MIS18BP1: variants seen among roughly 807,000 people sequenced by gnomAD.
MIS18BP1 encodes MIS18 binding protein 1, also known as mis18-binding protein 1.
MIS18BP1 carries 72 observed loss-of-function variants against 116.1 expected under a neutral mutation model. The ratio of observed to expected loss-of-function variants is 0.62; its 90% CI spans 0.51 to 0.75. The LOEUF is 0.75. MIS18BP1 is among the 30% of genes least tolerant of loss of function. The pLI, the probability that MIS18BP1 is intolerant of heterozygous loss-of-function variation, is 0.00. For missense variants in MIS18BP1, 1,363 were observed against 1,303.2 expected, an observed-to-expected ratio of 1.05 and a Z score of -0.71; for synonymous variants, 386 against 427.0, an observed-to-expected ratio of 0.90 and a Z score of 1.18.
intron 13 of MIS18BP1, among the ~76,000 whole-genome samples, chr14:45,216,759 A>AAT (rs903256211): frequency 6.6e-6 from 1 of 152,178 alleles, no homozygotes; most frequent in Non-Finnish European, 1.5e-5. Context: ...TTAAACTTTA[A>AAT]ATATATATGT....
chr14:45,232,251 C>T (rs186050436), intron 7 of MIS18BP1, among the ~76,000 whole-genome samples: 1 of 151,616 alleles, frequency 6.6e-6, no homozygotes, highest in East Asian at 2.0e-4. Context: ...CCTGTCTCTA[C>T]TAAAAATACA....
In MIS18BP1 at chr14:45,224,751, AATTTC is replaced by A. The variant is rs751068402; in HGVS notation, c.1841-10_1841-6del. ...CATCCAATTCTTCAGTTGTCTCTTT[AATTTC>A]ATAAGACAAAACCAAAGACCAAAAT... On this transcript the variant is annotated splice_polypyrimidine_tract_variant and splice_region_variant and intron_variant, in intron 10 of 16. Transcript: ENST00000310806. 7.8e-6 allele frequency: 12 copies of A among 1,547,160 alleles called. No homozygotes were observed. Among genetic ancestry groups the A allele is most frequent in the Non-Finnish European group, 1.0e-5 (12 of 1,152,972 alleles).
chr14:45,224,003 T>C lies in MIS18BP1; in HGVS notation c.2584A>G (p.Lys862Glu). Residue 862 changes from lysine (K) to glutamate (E), a missense_variant, in exon 11 of 17, where the codon AAG becomes GAG. Lys to Glu is a moderately conservative substitution (Grantham distance 56). Transcript: ENST00000310806. ...FPITEAVGSD[K>E]TNRHPLECLP... is the part of the protein sequence containing the mutation. ...CATTCTAAGGGATGCCTATTTGTCT[T>C]ATCAGATCCTACTGCCTCAGTAATT... 6.2e-7 allele frequency: 1 copy of C among 1,613,650 alleles called. No individual in the cohort carries two copies. The highest frequency in any genetic ancestry group is 8.5e-7 in the Non-Finnish European group (1 of 1,179,924).
intron 4 of MIS18BP1, among the ~76,000 whole-genome samples, chr14:45,240,478 G>A (rs1336451777): frequency 6.6e-6 from 1 of 151,738 alleles, no homozygotes; most frequent in Non-Finnish European, 1.5e-5. Flanking sequence ...GCACTCTCTA[G>A]GCTGTATTTC....
rs754759752 is a variant in MIS18BP1 at position 45,224,554 on chromosome 14, A to G, written c.2033T>C (p.Val678Ala). The G allele has an allele frequency of 8.1e-6, 13 of 1,612,586 alleles. No individual in the cohort carries two copies. The highest frequency in any genetic ancestry group is 1.1e-5 in the Non-Finnish European group (13 of 1,179,678). ...ACACTCTGGTATTACAAAATCTGTT[A>G]CTGCTTTGATGGTGCCAGCGGACAG... ...YNLSAGTIKAVTDFVIPECQK... is the reference protein window; with the variant it reads ...YNLSAGTIKAATDFVIPECQK... The change falls in exon 11 of 17, where the codon GTA becomes GCA. Residue 678 changes from valine to alanine, a missense_variant. Val to Ala is a moderately conservative substitution (Grantham distance 64). Coordinates refer to ENST00000310806, the MANE Select transcript of MIS18BP1 (RefSeq NM_018353.5).
rs780482909 is a variant in MIS18BP1, at chr14:45,224,579, G to A, written c.2008C>T (p.Leu670=). 1 of 1,613,724 alleles carries A rather than the reference G, an allele frequency of 6.2e-7. No individual in the cohort carries two copies. Among genetic ancestry groups the A allele is most frequent in the Non-Finnish European group, 8.5e-7 (1 of 1,179,890 alleles). Residue 670 remains leucine (L), a synonymous_variant, in exon 11 of 17, where the codon CTG becomes TTG. Transcript: ENST00000310806. ...ACTGCTTTGATGGTGCCAGCGGACAGATTATACCTCATGCATCTTTGCTCT... is the reference window on the plus strand; with the variant it reads ...ACTGCTTTGATGGTGCCAGCGGACAAATTATACCTCATGCATCTTTGCTCT... ...VIEQRCMRYN[L]SAGTIKAVTD... is the part of the protein sequence containing the mutation.
chr14:45,235,746 T>C (rs1891410647), intron 6 of MIS18BP1, 68 bp downstream of exon 6: 5 of 1,370,452 alleles, frequency 3.6e-6, no homozygotes, highest in Non-Finnish European at 4.0e-6. Context: ...AAAATGTGTA[T>C]TACTGTGAGA....
chr14:45,239,549 T>G (rs1891520282), intron 4 of MIS18BP1, among the ~76,000 whole-genome samples: 1 of 152,016 alleles, frequency 6.6e-6, no homozygotes, highest in Admixed American at 6.6e-5. Flanking sequence ...AGGTTGGAGA[T>G]CTCCAGGATT....
chr14:45,252,168 A>C (rs1891893209), intron 1 of MIS18BP1, among the ~76,000 whole-genome samples: 1 of 152,334 alleles, frequency 6.6e-6, no homozygotes, highest in Non-Finnish European at 1.5e-5. Context: ...TCAGTTATTT[A>C]CCAACAGGCA....
At chr14:45,252,638 A>C (rs926459217) in intron 1 of MIS18BP1, among the ~76,000 whole-genome samples, 2 of 152,166 alleles carry the variant, frequency 1.3e-5, no homozygotes, top group African/African-American at 4.8e-5. Flanking sequence ...AGATGTTTGC[A>C]ACAAGCATGC....
At chr14:45,213,316 C>A (rs1040667746) in intron 13 of MIS18BP1, among the ~76,000 whole-genome samples, 27 of 152,162 alleles carry the variant, frequency 1.8e-4, no homozygotes, top group African/African-American at 6.5e-4. Context: ...GGTGCTGAGG[C>A]TCTCCCTGAC....
chr14:45,236,097 T>G (rs1891422763), intron 5 of MIS18BP1, among the ~76,000 whole-genome samples, 153 bp from the exon 6 acceptor site: 1 of 152,230 alleles, frequency 6.6e-6, no homozygotes, highest in Non-Finnish European at 1.5e-5. Context: ...AGAACTCAAC[T>G]GCTTGGCTAT....
At chr14:45,246,061 ACT>A (rs1263261771) in intron 2 of MIS18BP1, among the ~76,000 whole-genome samples, 3 of 152,116 alleles carry the variant, frequency 2.0e-5, no homozygotes, top group African/African-American at 7.2e-5. Context: ...TACTGCAGTA[ACT>A]CTATTTCAGA....
intron 1 of MIS18BP1, among the ~76,000 whole-genome samples, chr14:45,250,854 G>A (rs1327117221): frequency 6.6e-6 from 1 of 152,060 alleles, no homozygotes; most frequent in Non-Finnish European, 1.5e-5. Flanking sequence ...TGTCTAACAC[G>A]GTGAAAACCG....
intron 12 of MIS18BP1, among the ~76,000 whole-genome samples, chr14:45,217,753 G>C (rs1890863470): frequency 1.3e-5 from 2 of 152,006 alleles, no homozygotes; most frequent in African/African-American, 2.4e-5. Flanking sequence ...TCTTTACACT[G>C]CAAGAATGAC....
intron 8 of MIS18BP1, 54 bp downstream of exon 8, chr14:45,231,087 G>T: frequency 6.4e-7 from 1 of 1,555,720 alleles, no homozygotes; most frequent in South Asian, 1.2e-5. Flanking sequence ...AAACAATGTA[G>T]ACCATGTAAG....
chr14:45,252,112 G>A (rs1366462869), intron 1 of MIS18BP1, among the ~76,000 whole-genome samples: 1 of 152,144 alleles, frequency 6.6e-6, no homozygotes, highest in African/African-American at 2.4e-5. Flanking sequence ...AAGGTCACTT[G>A]ACAATAAGTG....
chr14:45,238,869 G>A lies in MIS18BP1; in HGVS notation c.1144-1148C>T, dbSNP rs563437308. ...AGTTTATAAGCCATGGGTCTCAGTAGTAATGGCGAGGGGATCCACCATCTT... is the reference window on the plus strand; with the variant it reads ...AGTTTATAAGCCATGGGTCTCAGTAATAATGGCGAGGGGATCCACCATCTT... On this transcript the variant is annotated intron_variant, in intron 4 of 16. Transcript: ENST00000310806. Among the ~76,000 whole-genome samples, 11 of 152,268 alleles carry A rather than the reference G, an allele frequency of 7.2e-5. No homozygotes were observed. The South Asian group carries it at 2.3e-3, about 32-fold the overall frequency.
chr14:45,236,734 G>T (rs1479161707), intron 5 of MIS18BP1, among the ~76,000 whole-genome samples: 1 of 152,108 alleles, frequency 6.6e-6, no homozygotes, highest in East Asian at 1.9e-4. Context: ...AAAAAGCACT[G>T]TTCTCTAGCC....
Sources: gnomAD v4.1 joint callset for allele counts (sites outside exome capture counted in the v4.1 genomes callset) on GRCh38, gnomAD v4.1.1 for gene constraint, MANE v1.5 for transcripts, NCBI Gene and HGNC (gene_info 2026-07-23, HGNC 2026-07-21) for gene names.